Variants in SCN9A observed in about 807,000 individuals in gnomAD.
The protein encoded by SCN9A is sodium voltage-gated channel alpha subunit 9, also known as sodium channel protein type 9 subunit alpha.
In SCN9A, 131 loss-of-function variants were observed where a neutral mutation model predicts 187.0. The ratio of observed to expected loss-of-function variants is 0.70; its 90% CI spans 0.61 to 0.81. The LOEUF (loss-of-function observed/expected upper bound fraction) is 0.81. Ranked by LOEUF, SCN9A falls within the 30% of genes least tolerant of loss-of-function variation. SCN9A has a pLI of 0.00. For synonymous variants in SCN9A, 809 were observed against 808.6 expected, an observed-to-expected ratio of 1.00 and a Z score of -0.01; for missense variants, 2,252 against 2,396.6, an observed-to-expected ratio of 0.94 and a Z score of 1.26.
intron 9 of SCN9A, among the ~76,000 whole-genome samples, chr2:166,290,341 A>T (rs1319553254): frequency 2.0e-5 from 3 of 152,006 alleles, no homozygotes; most frequent in Non-Finnish European, 2.9e-5. Flanking sequence ...AGTTGATTCC[A>T]TCTCTTTGCT....
intron 2 of SCN9A, 47 bp from the exon 3 acceptor site, chr2:166,307,121 AT>A (rs1412552082): frequency 9.3e-6 from 10 of 1,077,602 alleles, no homozygotes; most frequent in Non-Finnish European, 1.3e-5. Context: ...CAAAATATCA[AT>A]TTTTCACATC....
chr2:166,322,097 T>C (rs942822358), intron 1 of SCN9A, among the ~76,000 whole-genome samples: 11 of 152,162 alleles, frequency 7.2e-5, no homozygotes, highest in Non-Finnish European at 1.5e-4. Context: ...CTAAAAGAAA[T>C]AGATTTATTT....
At chr2:166,233,063 T>C (rs1233403817) in intron 21 of SCN9A, among the ~76,000 whole-genome samples, 1 of 147,536 alleles carries the variant, frequency 6.8e-6, no homozygotes, top group Non-Finnish European at 1.5e-5. Flanking sequence ...TGCATATATA[T>C]ACTATTAGTG....
chr2:166,276,621 T>A (rs1188131105), intron 16 of SCN9A: 1 of 162,566 alleles, frequency 6.2e-6, no homozygotes, highest in Non-Finnish European at 1.3e-5. Context: ...GTCCTTTCAT[T>A]TGCCTTGGTC....
intron 1 of SCN9A, among the ~76,000 whole-genome samples, chr2:166,325,272 C>T (rs1254548716): frequency 2.0e-5 from 3 of 151,874 alleles, no homozygotes; most frequent in African/African-American, 7.2e-5. Flanking sequence ...TAAATTTGAA[C>T]CACTTTTAAT....
At chr2:166,367,267 T>C (rs558827971) in intron 1 of SCN9A, among the ~76,000 whole-genome samples, 2 of 152,144 alleles carry the variant, frequency 1.3e-5, no homozygotes, top group East Asian at 3.9e-4. Context: ...GACATTTTTT[T>C]AATTTTTTTT....
chr2:166,226,083 T>C (rs1475839231), intron 24 of SCN9A, among the ~76,000 whole-genome samples: 1 of 152,000 alleles, frequency 6.6e-6, no homozygotes, highest in Non-Finnish European at 1.5e-5. Flanking sequence ...ATTACAGTAT[T>C]CAACAAGTCT....
chr2:166,285,084 A>T (rs1172762938), intron 11 of SCN9A, among the ~76,000 whole-genome samples: 1 of 152,228 alleles, frequency 6.6e-6, no homozygotes, highest in Admixed American at 6.5e-5. Flanking sequence ...GCCTAGAGTT[A>T]CTGCTCCATT....
intron 17 of SCN9A, among the ~76,000 whole-genome samples, chr2:166,259,790 C>T (rs1696429719): frequency 6.6e-6 from 1 of 151,552 alleles, no homozygotes; most frequent in East Asian, 2.0e-4. Context: ...GAATAAGACA[C>T]ATTGATTTGA....
At chr2:166,253,051 C>T (rs1240274901) in intron 17 of SCN9A, among the ~76,000 whole-genome samples, 2 of 151,800 alleles carry the variant, frequency 1.3e-5, no homozygotes, top group Non-Finnish European at 2.9e-5. Context: ...TAAATTGATT[C>T]TCAATCTATG....
intron 1 of SCN9A, among the ~76,000 whole-genome samples, chr2:166,367,761 A>G (rs553350853): frequency 3.6e-4 from 55 of 152,264 alleles, no homozygotes; most frequent in African/African-American, 1.3e-3. Flanking sequence ...TCAACCTATA[A>G]AACAACTTCA....
rs147639592 is a variant in SCN9A, at chr2:166,278,235, A to G, written c.2422T>C (p.Trp808Arg). The G allele has an allele frequency of 7.7e-5, 125 of 1,612,956 alleles. No individual in the cohort carries two copies. The African/African-American group carries it at 1.6e-3, about 20-fold the overall frequency. ...MDPYEYFQVGWNIFDSLIVTL... is the reference protein window; with the variant it reads ...MDPYEYFQVGRNIFDSLIVTL... Reference sequence around the variant, plus strand: ...ACAATAAGGCTGTCAAAAATATTCCAGCCTACTTGGAAATACTCATATGGA... The same window carrying G: ...ACAATAAGGCTGTCAAAAATATTCCGGCCTACTTGGAAATACTCATATGGA... The change falls in exon 15 of 27, where the codon TGG becomes CGG. Residue 808 changes from tryptophan to arginine, a missense_variant. Physicochemically the swap from Trp to Arg is moderately radical, Grantham distance 101 (BLOSUM62 -3). Coordinates refer to ENST00000642356, the MANE Select transcript of SCN9A (RefSeq NM_001365536.1).
intron 1 of SCN9A, among the ~76,000 whole-genome samples, chr2:166,370,235 A>AATCATC (rs58078583): frequency 6.1e-4 from 83 of 137,160 alleles, no homozygotes; most frequent in East Asian, 1.9e-3. Flanking sequence ...TAATAATAAT[A>AATCATC]ATCATCATCA....
chr2:166,226,708 T>C lies in SCN9A; in HGVS notation c.4261-4A>G. 2 of 1,551,952 alleles carry C rather than the reference T, an allele frequency of 1.3e-6. No individual in the cohort carries two copies. The highest frequency in any genetic ancestry group is 8.7e-7 in the Non-Finnish European group (1 of 1,153,200). ...CATATTTGGGCTGCTTGTCTACCTA[T>C]AAAATTTACAAAAGTTAGCATTATA... On this transcript the variant is annotated splice_polypyrimidine_tract_variant and splice_region_variant and intron_variant, in intron 23 of 26. Transcript: ENST00000642356.
At chr2:166,336,949 A>G (rs571361273) in intron 1 of SCN9A, among the ~76,000 whole-genome samples, 1 of 152,196 alleles carries the variant, frequency 6.6e-6, no homozygotes, top group Admixed American at 6.6e-5. Context: ...GTGGAGAGAA[A>G]GGGGGTCCAG....
intron 10 of SCN9A, among the ~76,000 whole-genome samples, chr2:166,288,120 T>TATATAC (rs56738765): frequency 3.0e-5 from 4 of 135,564 alleles, no homozygotes; most frequent in East Asian, 2.1e-4. Context: ...TATATATATA[T>TATATAC]ACACACACAT....
intron 12 of SCN9A, among the ~76,000 whole-genome samples, chr2:166,283,491 T>C (rs961292264): frequency 1.3e-5 from 2 of 152,160 alleles, no homozygotes; most frequent in Non-Finnish European, 2.9e-5. Context: ...TAATGCAGCA[T>C]AGCATAGTGA....
rs1558974298 is a variant in SCN9A at position 166,239,221 on chromosome 2, T to TAAAAAAAAAA, written c.3628-955_3628-954insTTTTTTTTTT. 5.4e-5 allele frequency among the ~76,000 whole-genome samples: 7 copies of TAAAAAAAAAA among 130,082 alleles called. 3 individuals are homozygous for TAAAAAAAAAA. Among genetic ancestry groups the TAAAAAAAAAA allele is most frequent in the Non-Finnish European group, 8.1e-5 (5 of 61,864 alleles). 85.3% of individuals were successfully genotyped at this position (130,082 alleles called of 152,430 possible). On this transcript the variant is annotated intron_variant, in intron 19 of 26. Transcript: ENST00000642356. ...CTGGGCAACAGAGCAAGACTCTGTC[T>TAAAAAAAAAA]CAAAAAAAAAAAAAAAAAAAAGGCT...
intron 1 of SCN9A, among the ~76,000 whole-genome samples, chr2:166,314,646 G>A (rs1699063691): frequency 6.6e-6 from 1 of 152,164 alleles, no homozygotes; most frequent in South Asian, 2.1e-4. Flanking sequence ...ATGAAGTATA[G>A]GTACATGTTA....
Sources: allele counts gnomAD v4.1 joint callset (sites outside exome capture counted in the v4.1 genomes callset), GRCh38; gene constraint gnomAD v4.1.1; transcripts MANE v1.5; gene names NCBI Gene and HGNC (gene_info 2026-07-23, HGNC 2026-07-21).